CENPP: variants seen among roughly 807,000 people sequenced by gnomAD.
The protein encoded by CENPP is centromere protein P.
CENPP carries 24 observed loss-of-function variants against 35.6 expected under a neutral mutation model. That is an observed-to-expected ratio of 0.67 (90% confidence interval 0.49 to 0.95). CENPP has a LOEUF of 0.95. Among genes scored for constraint, CENPP ranks in the 40% least tolerant of loss-of-function variants. CENPP has a pLI of 0.00. For synonymous variants in CENPP, 120 were observed against 125.5 expected, an observed-to-expected ratio of 0.96 and a Z score of 0.29; for missense variants, 332 against 345.3, an observed-to-expected ratio of 0.96 and a Z score of 0.31.
intron 2 of CENPP, among the ~76,000 whole-genome samples, chr9:92,336,702 C>A (rs983048325): frequency 1.3e-5 from 2 of 152,034 alleles, no homozygotes; most frequent in African/African-American, 2.4e-5. Flanking sequence ...TATGAGGGAA[C>A]CTTATAGGTT....
chr9:92,447,830 A>G (rs1844591514), intron 5 of CENPP, among the ~76,000 whole-genome samples: 1 of 152,208 alleles, frequency 6.6e-6, no homozygotes, highest in Admixed American at 6.5e-5. Context: ...CACAGCTGGG[A>G]GGAAAAACAG....
At chr9:92,504,320 G>A (rs72754427) in intron 5 of CENPP, among the ~76,000 whole-genome samples, 4,959 of 152,250 alleles carry the variant, frequency 0.033, 131 homozygotes, top group South Asian at 0.083. Context: ...AGGAAGAAGA[G>A]GAAGGGTGGT....
At chr9:92,515,320 T>A in intron 5 of CENPP, 3 of 1,272,230 alleles carry the variant, frequency 2.4e-6, no homozygotes, top group Non-Finnish European at 3.0e-6. Context: ...TGAGTGCAAT[T>A]TAAAGATGAA....
At position 92,349,403 on chromosome 9, in the gene CENPP, T is replaced by A. The variant is rs76960521; in HGVS notation, c.467+3616T>A. ...AATATAGCATATTATATATACTTTTTTTTTTATTTTTTTTTTTTTGAGACG... is the reference window on the plus strand; with the variant it reads ...AATATAGCATATTATATATACTTTTATTTTTATTTTTTTTTTTTTGAGACG... On this transcript the variant is annotated intron_variant, in intron 4 of 7. Transcript: ENST00000375587. Among the ~76,000 whole-genome samples the A allele has an allele frequency of 4.9e-3, 738 of 151,598 alleles. 5 individuals are homozygous for A. Among genetic ancestry groups the A allele is most frequent in the African/African-American group, 0.015 (642 of 41,488 alleles).
intron 5 of CENPP, among the ~76,000 whole-genome samples, chr9:92,433,846 C>T (rs1198552615): frequency 3.3e-5 from 5 of 151,986 alleles, no homozygotes; most frequent in Admixed American, 6.6e-5. Flanking sequence ...GCAGGAGAAT[C>T]GCTTGAACCC....
intron 2 of CENPP, among the ~76,000 whole-genome samples, chr9:92,334,952 C>T (rs1341022034): frequency 1.3e-5 from 2 of 151,758 alleles, no homozygotes; most frequent in African/African-American, 4.8e-5. Flanking sequence ...TTTGGGAAGC[C>T]GAGGCGGGCG....
chr9:92,496,176 CTG>C, intron 5 of CENPP: 1 of 1,374,388 alleles, frequency 7.3e-7, no homozygotes, highest in Non-Finnish European at 9.3e-7. Flanking sequence ...GGTTGTTCAT[CTG>C]TGTGTTAGTG....
At chr9:92,463,377 T>C (rs1845186858) in intron 5 of CENPP, among the ~76,000 whole-genome samples, 1 of 152,260 alleles carries the variant, frequency 6.6e-6, no homozygotes, top group African/African-American at 2.4e-5. Flanking sequence ...GGAATAGTTA[T>C]TTAAGTTGAG....
chr9:92,347,055 G>A (rs1841313759), intron 4 of CENPP, among the ~76,000 whole-genome samples: 1 of 152,102 alleles, frequency 6.6e-6, no homozygotes, highest in Non-Finnish European at 1.5e-5. Flanking sequence ...CTATTGGGTA[G>A]GAATTAAAGC....
intron 5 of CENPP, among the ~76,000 whole-genome samples, chr9:92,420,016 T>C (rs1843737294): frequency 2.0e-5 from 3 of 152,224 alleles, no homozygotes; most frequent in South Asian, 2.1e-4. Flanking sequence ...TATTTGGAAT[T>C]TGAAGTAGTT....
chr9:92,558,257 C>G (rs1479555505), intron 5 of CENPP, among the ~76,000 whole-genome samples: 5 of 152,170 alleles, frequency 3.3e-5, no homozygotes, highest in African/African-American at 1.2e-4. Context: ...GGTTCCTTCT[C>G]ATTTAGGTAG....
At chr9:92,502,695 T>C (rs1252885728) in intron 5 of CENPP, 1 of 1,454,142 alleles carries the variant, frequency 6.9e-7, no homozygotes, top group East Asian at 2.3e-5. Flanking sequence ...TTTGTGTTAG[T>C]TGATACGTTC....
intron 4 of CENPP, among the ~76,000 whole-genome samples, chr9:92,362,420 C>A (rs988091124): frequency 2.0e-5 from 3 of 151,988 alleles, no homozygotes; most frequent in African/African-American, 7.2e-5. Flanking sequence ...CTACTTTTTT[C>A]CCCCAATAGA....
chr9:92,356,162 A>C (rs537341740), intron 4 of CENPP, among the ~76,000 whole-genome samples: 4 of 152,354 alleles, frequency 2.6e-5, no homozygotes, highest in South Asian at 4.1e-4. Context: ...ATGTGGAAGG[A>C]TTAGATAATT....
At chr9:92,516,065 T>C (rs1281475482) in intron 5 of CENPP, among the ~76,000 whole-genome samples, 4 of 143,408 alleles carry the variant, frequency 2.8e-5, no homozygotes, top group Non-Finnish European at 4.7e-5. Context: ...CAGTGCATAC[T>C]TTTTTTTCCC....
rs751283917 is a variant in CENPP at position 92,403,413 on chromosome 9, C to CA, written c.564+23559dup. 5 of 1,589,260 alleles carry CA rather than the reference C, an allele frequency of 3.1e-6. No homozygotes were observed. The Admixed American group carries it at 9.1e-5, about 29-fold the overall frequency. Reference sequence around the variant, plus strand: ...GTAGACTGCAGAGTCTTCATTTTAGCAAAAATCAAGGTGACTGGAAGTTAA... The same window carrying CA: ...GTAGACTGCAGAGTCTTCATTTTAGCAAAAAATCAAGGTGACTGGAAGTTAA... On this transcript the variant is annotated intron_variant, in intron 5 of 7. Transcript: ENST00000375587.
At chr9:92,367,871 C>T (rs1016126513) in intron 4 of CENPP, among the ~76,000 whole-genome samples, 2 of 152,176 alleles carry the variant, frequency 1.3e-5, no homozygotes, top group African/African-American at 4.8e-5. Flanking sequence ...CCGCCTTAGC[C>T]GCCCAAAGCA....
Position 92,332,068 on chromosome 9 carries a change from A to G in CENPP, c.108-102A>G, listed in dbSNP as rs146299340. The stretch of plus-strand genomic sequence containing the variant: ...TGGGGGAAGGTGACTTAATTGGAAG[A>G]GAGTAAGAGGGACAAAATGGGAATG... On this transcript the variant is annotated intron_variant, in intron 1 of 7. Coordinates refer to ENST00000375587, the MANE Select transcript of CENPP (RefSeq NM_001012267.3). The G allele has an allele frequency of 1.7e-3, 953 of 550,056 alleles. 24 individuals carry two copies. In the Admixed American group the frequency reaches 0.034, roughly 19 times the overall value. 34.1% of individuals were successfully genotyped at this position (550,056 alleles called of 1,614,324 possible). A position where few individuals can be genotyped will look rare whatever the true frequency, so the allele number is the denominator to read the frequency against.
chr9:92,450,960 A>C (rs993209680), intron 5 of CENPP, among the ~76,000 whole-genome samples: 77 of 151,564 alleles, frequency 5.1e-4, no homozygotes, highest in Non-Finnish European at 5.3e-4. Flanking sequence ...TTTTTCTTGT[A>C]AATTTGTTTG....
Sources: allele counts gnomAD v4.1 joint callset (sites outside exome capture counted in the v4.1 genomes callset), GRCh38; gene constraint gnomAD v4.1.1; transcripts MANE v1.5; gene names NCBI Gene and HGNC (gene_info 2026-07-23, HGNC 2026-07-21).